Variants in TENM2 observed in about 807,000 individuals in gnomAD.
The protein encoded by TENM2 is teneurin transmembrane protein 2.
Under a neutral mutation model 245.2 loss-of-function variants are expected in TENM2, and 52 were observed. The observed-to-expected ratio is 0.21, with a 90% CI of 0.17 to 0.27. The LOEUF (loss-of-function observed/expected upper bound fraction) is 0.27, where lower values mean the gene tolerates loss of function less well. Among genes scored for constraint, TENM2 ranks in the 10% least tolerant of loss-of-function variants. The pLI, the probability that TENM2 is intolerant of heterozygous loss-of-function variation, is 1.00. For synonymous variants in TENM2, 1,363 were observed against 1,438.9 expected (o/e 0.95, Z 1.19); for missense variants, 3,046 against 3,666.8 (o/e 0.83, Z 4.37).
In TENM2 at chr5:167,314,260, G is replaced by GA. The variant is rs556870286; in HGVS notation, c.226+29205dup. On this transcript the variant is annotated intron_variant, in intron 1 of 28. Transcript: ENST00000518659. ...TCAGTAAATTCTTAATTTTGTTAAG[G>GA]AAAAAAAACAAATCCAGGGCAAGTG... Among the ~76,000 whole-genome samples, 205 of 151,450 alleles carry GA rather than the reference G, an allele frequency of 1.4e-3. 2 individuals carry two copies. Among genetic ancestry groups the GA allele is most frequent in the African/African-American group, 4.9e-3 (201 of 41,302 alleles).
At chr5:167,300,342 C>G (rs1278627067) in intron 1 of TENM2, among the ~76,000 whole-genome samples, 1 of 152,072 alleles carries the variant, frequency 6.6e-6, no homozygotes, top group South Asian at 2.1e-4. Context: ...GTGTCAGGGT[C>G]AGTCCAAGTG....
chr5:168,158,866 CACAT>C lies in TENM2; in HGVS notation c.2423-3743_2423-3740del, dbSNP rs201269210. 5.4e-3 allele frequency among the ~76,000 whole-genome samples: 634 copies of C among 116,808 alleles called. 8 individuals are homozygous for C. Among genetic ancestry groups the C allele is most frequent in the African/African-American group, 0.017 (588 of 34,670 alleles). 76.6% of individuals were successfully genotyped at this position (116,808 alleles called of 152,430 possible). A position where few individuals can be genotyped will look rare whatever the true frequency, so the allele number is the denominator to read the frequency against. On this transcript the variant is annotated intron_variant, in intron 12 of 28. Transcript: ENST00000518659. Reference sequence around the variant, plus strand: ...ATATATATATACACACACACACACACACATATATATGTATACACACACGTATATA... The same window carrying C: ...ATATATATATACACACACACACACACATATATGTATACACACACGTATATA...
chr5:167,633,536 G>A (rs1457394524), intron 2 of TENM2, among the ~76,000 whole-genome samples: 1 of 152,164 alleles, frequency 6.6e-6, no homozygotes, highest in African/African-American at 2.4e-5. Context: ...TTTAATCCAA[G>A]CTAATTTTAC....
chr5:168,205,702 T>C (rs1225784828), intron 19 of TENM2, among the ~76,000 whole-genome samples: 1 of 151,902 alleles, frequency 6.6e-6, no homozygotes, highest in African/African-American at 2.4e-5. Flanking sequence ...GGCAGGAGGG[T>C]GGTGAGCTCA....
intron 1 of TENM2, among the ~76,000 whole-genome samples, chr5:167,366,025 A>G: frequency 6.6e-6 from 1 of 152,056 alleles, no homozygotes; most frequent in East Asian, 1.9e-4. Context: ...TTGTATACAT[A>G]AGGGTAGAAA....
the TENM2 span, among the ~76,000 whole-genome samples, chr5:167,056,664 TGTGC>T: frequency 2.0e-5 from 3 of 147,310 alleles, no homozygotes; most frequent in African/African-American, 4.9e-5. Flanking sequence ...TAAATATATA[TGTGC>T]CATATATATA....
intron 2 of TENM2, among the ~76,000 whole-genome samples, chr5:167,840,511 C>T (rs1402103572): frequency 6.6e-6 from 1 of 152,138 alleles, no homozygotes; most frequent in East Asian, 1.9e-4. Flanking sequence ...TAAGTTCATC[C>T]TGGAGCACCT....
chr5:167,514,400 C>A (rs1045141728), intron 2 of TENM2, among the ~76,000 whole-genome samples: 1 of 152,132 alleles, frequency 6.6e-6, no homozygotes, highest in Non-Finnish European at 1.5e-5. Context: ...AATTTCAGGA[C>A]ATGGCTATGA....
At position 168,217,040 on chromosome 5, in the gene TENM2, A is replaced by C. The variant is rs1235677406; in HGVS notation, c.4233+118A>C. The stretch of plus-strand genomic sequence containing the variant: ...GGAGGGAGAGATACAGATACAGATC[A>C]CGGGGTTGTTTGGAGAAAGCCTGAG... On this transcript the variant is annotated intron_variant, in intron 22 of 28. Transcript: ENST00000518659. 23 of 1,182,968 alleles carry C rather than the reference A, an allele frequency of 1.9e-5. No homozygotes were observed. The East Asian group carries it at 4.0e-4, about 21-fold the overall frequency. 73.3% of individuals were successfully genotyped at this position (1,182,968 alleles called of 1,614,324 possible).
intron 2 of TENM2, among the ~76,000 whole-genome samples, chr5:167,431,052 A>G (rs974694927): frequency 1.3e-5 from 2 of 152,200 alleles, no homozygotes; most frequent in African/African-American, 4.8e-5. Flanking sequence ...TCCCAAAGCT[A>G]AAGTTGTACA....
chr5:167,751,876 T>C (rs1392682412), intron 2 of TENM2, among the ~76,000 whole-genome samples: 1 of 152,104 alleles, frequency 6.6e-6, no homozygotes, highest in Non-Finnish European at 1.5e-5. Flanking sequence ...TTCCAGGTCA[T>C]CTGTCAGTCC....
chr5:167,972,663 C>T (rs1362326222), intron 4 of TENM2, among the ~76,000 whole-genome samples: 1 of 152,098 alleles, frequency 6.6e-6, no homozygotes, highest in African/African-American at 2.4e-5. Flanking sequence ...TATCTGTCTC[C>T]ATTCAAATGT....
chr5:168,146,792 T>C (rs1020695646), intron 12 of TENM2, among the ~76,000 whole-genome samples: 1 of 152,218 alleles, frequency 6.6e-6, no homozygotes, highest in African/African-American at 2.4e-5. Flanking sequence ...TATCTGTCAA[T>C]GAGAGGGGCC....
chr5:167,518,336 A>C (rs1160700402), intron 2 of TENM2, among the ~76,000 whole-genome samples: 2 of 151,910 alleles, frequency 1.3e-5, no homozygotes, highest in Admixed American at 1.3e-4. Context: ...ATCAAAACTT[A>C]CCTCTCATTT....
intron 2 of TENM2, among the ~76,000 whole-genome samples, chr5:167,528,192 T>C (rs1217574367): frequency 6.6e-6 from 1 of 152,178 alleles, no homozygotes; most frequent in Admixed American, 6.6e-5. Flanking sequence ...AGTGTGACAG[T>C]CGTGTGCAAT....
chr5:167,198,999 G>T, the TENM2 span, among the ~76,000 whole-genome samples: 1 of 148,042 alleles, frequency 6.8e-6, no homozygotes, highest in South Asian at 2.2e-4. Flanking sequence ...AAGATTAGAA[G>T]TCTTCGTGAA....
chr5:167,071,433 C>T, the TENM2 span, among the ~76,000 whole-genome samples: 1 of 151,998 alleles, frequency 6.6e-6, no homozygotes, highest in Non-Finnish European at 1.5e-5. Context: ...ATCAAAGAAC[C>T]GTATTCCTTT....
intron 6 of TENM2, among the ~76,000 whole-genome samples, chr5:168,053,712 A>G (rs1789305956): frequency 6.6e-6 from 1 of 152,228 alleles, no homozygotes; most frequent in Non-Finnish European, 1.5e-5. Flanking sequence ...CATTTTATAT[A>G]AAGAGCTTGA....
At chr5:167,024,016 A>AT in the TENM2 span, among the ~76,000 whole-genome samples, 3 of 152,330 alleles carry the variant, frequency 2.0e-5, no homozygotes, top group Admixed American at 6.5e-5. Flanking sequence ...AGATCGAGAG[A>AT]TTTTTTAAAA....
Sources: gnomAD v4.1 joint callset for allele counts (sites outside exome capture counted in the v4.1 genomes callset) on GRCh38, gnomAD v4.1.1 for gene constraint, MANE v1.5 for transcripts, NCBI Gene and HGNC (gene_info 2026-07-23, HGNC 2026-07-21) for gene names.